AFAP1L1: variants seen among roughly 807,000 people sequenced by gnomAD.
AFAP1L1 encodes the protein actin filament-associated protein 1-like 1.
AFAP1L1 carries 77 observed loss-of-function variants against 99.8 expected under a neutral mutation model. The ratio of observed to expected loss-of-function variants is 0.77; its 90% CI spans 0.64 to 0.93. The LOEUF (loss-of-function observed/expected upper bound fraction) is 0.93. AFAP1L1 is among the 40% of genes least tolerant of loss of function. The probability of loss-of-function intolerance (pLI) is 0.00; values close to 1 mark genes in which losing one functional copy is unlikely to be tolerated. For synonymous variants in AFAP1L1, 373 were observed against 395.3 expected (o/e 0.94, Z 0.67); for missense variants, 893 against 996.8 (o/e 0.90, Z 1.40).
chr5:149,301,411 G>T (rs1381609334), intron 4 of AFAP1L1, among the ~76,000 whole-genome samples, 181 bp downstream of exon 4: 7 of 152,174 alleles, frequency 4.6e-5, no homozygotes, highest in Admixed American at 2.6e-4. Context: ...TGATGTGCTC[G>T]CTGTGTGTTT....
intron 1 of AFAP1L1, among the ~76,000 whole-genome samples, chr5:149,272,834 C>T (rs1356174570): frequency 6.6e-6 from 1 of 152,112 alleles, no homozygotes; most frequent in Non-Finnish European, 1.5e-5. Context: ...TCCCGAATAG[C>T]TGGGATTAGA....
At chr5:149,300,663 G>A (rs888417620) in intron 3 of AFAP1L1, among the ~76,000 whole-genome samples, 3 of 152,242 alleles carry the variant, frequency 2.0e-5, no homozygotes, top group African/African-American at 4.8e-5. Flanking sequence ...TGGGCTGAGC[G>A]ATGCAGTGGC....
intron 12 of AFAP1L1, 150 bp downstream of exon 12, chr5:149,318,090 A>G: frequency 1.1e-6 from 1 of 871,360 alleles, no homozygotes; most frequent in Non-Finnish European, 1.7e-6. Flanking sequence ...TGACCCAAGT[A>G]GATTATAAGA....
chr5:149,333,936 CT>C, intron 17 of AFAP1L1, among the ~76,000 whole-genome samples: 1 of 152,238 alleles, frequency 6.6e-6, no homozygotes, highest in Admixed American at 6.5e-5. Context: ...TATTTGTGTC[CT>C]TGCTTGTCCA....
Position 149,340,825 on chromosome 5 carries a change from A to G in AFAP1L1, c.*795A>G, listed in dbSNP as rs893234413. ...TCTCAGTAAATCAAGTCCCTTACCTATGTTCTGACACTGAGGCTCTTGGAG... is the reference window on the plus strand; with the variant it reads ...TCTCAGTAAATCAAGTCCCTTACCTGTGTTCTGACACTGAGGCTCTTGGAG... On this transcript the variant is annotated 3_prime_UTR_variant, in exon 19 of 19. Transcript: ENST00000296721. 2.6e-5 allele frequency: 4 copies of G among 152,184 alleles called. No individual in the cohort carries two copies. The highest frequency in any genetic ancestry group is 4.8e-5 in the African/African-American group (2 of 41,438). 9.4% of individuals were successfully genotyped at this position (152,184 alleles called of 1,614,324 possible). A position where few individuals can be genotyped will look rare whatever the true frequency, so the allele number is the denominator to read the frequency against.
chr5:149,324,518 A>G (rs1757039816), intron 15 of AFAP1L1, among the ~76,000 whole-genome samples: 1 of 152,232 alleles, frequency 6.6e-6, no homozygotes, highest in African/African-American at 2.4e-5. Context: ...GCCCACGATC[A>G]TGTATTAATT....
chr5:149,292,519 T>A (rs1268042782), intron 1 of AFAP1L1, among the ~76,000 whole-genome samples: 1 of 152,202 alleles, frequency 6.6e-6, no homozygotes, highest in Non-Finnish European at 1.5e-5. Flanking sequence ...AACAGCCTAA[T>A]CTTAGATATA....
In AFAP1L1 at chr5:149,320,659, G is replaced by C. The variant is rs898378850; in HGVS notation, c.1698+196G>C. ...GCACAGGAGGCTGGGTGGTGTGGTG[G>C]AAAGAGACCCAGGTTGGGAGGAAGA... is the stretch of plus-strand genomic sequence containing the variant. On this transcript the variant is annotated intron_variant, in intron 14 of 18. Coordinates refer to ENST00000296721, the MANE Select transcript of AFAP1L1 (RefSeq NM_152406.4). This position sits in a 1 kb window ranked among gnomAD's most constrained non-coding sequence, Gnocchi z 4.0. Among the ~76,000 whole-genome samples the C allele has an allele frequency of 6.6e-6, 1 of 152,230 alleles. No individual in the cohort carries two copies. The highest frequency in any genetic ancestry group is 1.5e-5 in the Non-Finnish European group (1 of 68,038).
chr5:149,301,039 C>A, intron 3 of AFAP1L1, 94 bp from the exon 4 acceptor site: 1 of 1,039,524 alleles, frequency 9.6e-7, no homozygotes, highest in Non-Finnish European at 1.5e-6. Context: ...CCCGACCTCA[C>A]ACTCAGGCCT....
intron 1 of AFAP1L1, among the ~76,000 whole-genome samples, chr5:149,278,955 C>G (rs1331539268): frequency 6.6e-6 from 1 of 152,202 alleles, no homozygotes; most frequent in East Asian, 1.9e-4. Flanking sequence ...CACGATTTGG[C>G]CTCCAGTTCC....
chr5:149,313,377 C>T (rs775979732), intron 9 of AFAP1L1, among the ~76,000 whole-genome samples: 1 of 152,222 alleles, frequency 6.6e-6, no homozygotes, highest in Non-Finnish European at 1.5e-5. Context: ...ACTGCATGCC[C>T]TGCAGTGTAC....
chr5:149,312,286 TG>T (rs1326872720), intron 9 of AFAP1L1, 82 bp downstream of exon 9: 12 of 1,434,482 alleles, frequency 8.4e-6, no homozygotes, highest in Admixed American at 5.0e-5. Context: ...ACTAACTGGC[TG>T]GGGGGAAAGT....
intron 1 of AFAP1L1, among the ~76,000 whole-genome samples, chr5:149,285,578 C>G (rs749184032): frequency 6.6e-6 from 1 of 152,184 alleles, no homozygotes; most frequent in Non-Finnish European, 1.5e-5. Context: ...CCACAGCTAC[C>G]TACTGTACTG....
At chr5:149,275,958 A>C (rs1451176545) in intron 1 of AFAP1L1, among the ~76,000 whole-genome samples, 1 of 152,224 alleles carries the variant, frequency 6.6e-6, no homozygotes, top group East Asian at 1.9e-4. Context: ...GAGGGACAAA[A>C]TTCAGTCCAT....
At chr5:149,306,261 C>T in intron 5 of AFAP1L1, 45 bp from the exon 6 acceptor site, 1 of 1,542,806 alleles carries the variant, frequency 6.5e-7, no homozygotes, top group African/African-American at 1.4e-5. Context: ...CCCCTGGAGT[C>T]TGCCTGCATT....
At chr5:149,312,826 AAG>A (rs1203625987) in intron 9 of AFAP1L1, among the ~76,000 whole-genome samples, 2 of 151,230 alleles carry the variant, frequency 1.3e-5, no homozygotes, top group Admixed American at 1.3e-4. Flanking sequence ...GAAAGAAAGA[AAG>A]AGAAAGAGAA....
At chr5:149,313,362 CTG>C (rs1221661687) in intron 9 of AFAP1L1, among the ~76,000 whole-genome samples, 3 of 152,216 alleles carry the variant, frequency 2.0e-5, no homozygotes, top group Non-Finnish European at 4.4e-5. Context: ...TATTTATAGA[CTG>C]TGACTGCATG....
chr5:149,301,318 T>A, intron 4 of AFAP1L1, 88 bp downstream of exon 4: 1 of 1,252,512 alleles, frequency 8.0e-7, no homozygotes, highest in Admixed American at 1.9e-5. Flanking sequence ...CTGGGTGCTC[T>A]CCTGGCGGTT....
intron 8 of AFAP1L1, 27 bp downstream of exon 8, chr5:149,310,162 G>A (rs1000826402): frequency 2.4e-5 from 37 of 1,554,572 alleles, no homozygotes; most frequent in African/African-American, 6.8e-5. Flanking sequence ...TGACCTTCCC[G>A]CCTTCTCACC....
Sources: gnomAD v4.1 joint callset for allele counts (sites outside exome capture counted in the v4.1 genomes callset) on GRCh38, gnomAD v4.1.1 for gene constraint, Gnocchi (gnomAD v3.1) non-coding constraint, MANE v1.5 for transcripts, NCBI Gene and HGNC (gene_info 2026-07-23, HGNC 2026-07-21) for gene names.